MRPL37: variants seen among roughly 807,000 people sequenced by gnomAD.
The protein encoded by MRPL37 is mitochondrial ribosomal protein L37.
Under a neutral mutation model 44.1 loss-of-function variants are expected in MRPL37, and 34 were observed. The observed-to-expected ratio is 0.77, with a 90% CI of 0.59 to 1.03. The LOEUF (loss-of-function observed/expected upper bound fraction) is 1.03, where lower values mean the gene tolerates loss of function less well. MRPL37 is among the 50% of genes least tolerant of loss of function. The pLI is 0.00. For synonymous variants in MRPL37, 212 were observed against 219.5 expected, an observed-to-expected ratio of 0.97 and a Z score of 0.30; for missense variants, 532 against 543.7, an observed-to-expected ratio of 0.98 and a Z score of 0.21.
At chr1:54,225,206 T>C, downstream of MRPL37, 1 of 1,234,334 alleles carries the variant, frequency 8.1e-7, no homozygotes, top group Non-Finnish European at 1.0e-6. Flanking sequence ...CCCCCAAATA[T>C]TTAAAGTGAG....
chr1:54,200,580 C>A lies in MRPL37; in HGVS notation c.337C>A (p.Leu113Ile). 1 of 1,594,830 alleles carries A rather than the reference C, an allele frequency of 6.3e-7. No individual in the cohort carries two copies. The highest frequency in any genetic ancestry group is 2.2e-5 in the East Asian group (1 of 44,454). Reference sequence around the variant, plus strand: ...CTATATCTTTCACCACCGTTGCCGCCTTCTCGAGGGTGAGGCCCCAGGACG... The same window carrying A: ...CTATATCTTTCACCACCGTTGCCGCATTCTCGAGGGTGAGGCCCCAGGACG... Reference protein sequence around the residue: ...ACYIFHHRCRLLEGVKQALWL... With the variant: ...ACYIFHHRCRILEGVKQALWL... Residue 113 changes from leucine (L) to isoleucine (I), a missense_variant, in exon 1 of 7, where the codon CTT becomes ATT. Leu to Ile is a conservative substitution (Grantham distance 5). Transcript: ENST00000360840.
intron 4 of MRPL37, among the ~76,000 whole-genome samples, chr1:54,211,186 TC>T (rs1226592397): frequency 6.6e-6 from 1 of 152,150 alleles, no homozygotes; most frequent in East Asian, 1.9e-4. Context: ...TTTGGGATCT[TC>T]CAGTCTCATC....
At chr1:54,222,136 C>CA (rs1192479608), downstream of MRPL37, among the ~76,000 whole-genome samples, 1 of 152,222 alleles carries the variant, frequency 6.6e-6, no homozygotes, top group African/African-American at 2.4e-5. Context: ...TACTGGGCAC[C>CA]AGGACCTGTG....
downstream of MRPL37, among the ~76,000 whole-genome samples, chr1:54,222,766 T>C (rs189556763): frequency 4.5e-4 from 68 of 152,324 alleles, no homozygotes; most frequent in Non-Finnish European, 8.7e-4. Flanking sequence ...AGTTCAGACC[T>C]GCCTACTTGA....
chr1:54,221,612 G>A (rs115519368), downstream of MRPL37, among the ~76,000 whole-genome samples: 1,280 of 152,220 alleles, frequency 8.4e-3, 17 homozygotes, highest in African/African-American at 0.029. Context: ...ACGTGCACAG[G>A]CATACATGCG....
intron 3 of MRPL37, among the ~76,000 whole-genome samples, chr1:54,208,548 C>CAAAAAAAAAA (rs57185627): frequency 1.4e-5 from 1 of 70,950 alleles, no homozygotes. Context: ...GACTCCGTCT[C>CAAAAAAAAAA]AAAAAAAAAA....
rs1337363417 is a variant in MRPL37, at chr1:54,210,096, A to G, written c.797A>G (p.His266Arg). The G allele has an allele frequency of 1.9e-6, 3 of 1,614,174 alleles. No homozygotes were observed. Residue 266 changes from histidine to arginine, a missense_variant, in exon 4 of 7, where the codon CAT becomes CGT. By Grantham distance (29) the His-to-Arg change is conservative. Coordinates refer to ENST00000360840, the MANE Select transcript of MRPL37 (RefSeq NM_016491.4). ...CCCATATCACCCATCATCGATCTTC[A>G]TGAATGCAATATTTATGATGTGAAA... is the stretch of plus-strand genomic sequence containing the variant. ...FYPISPIIDL[H>R]ECNIYDVKND... is the part of the protein sequence containing the mutation.
chr1:54,200,398 T>C lies in MRPL37; in HGVS notation c.155T>C (p.Ile52Thr). 1 of 1,614,114 alleles carries C rather than the reference T, an allele frequency of 6.2e-7. No individual in the cohort carries two copies. The highest frequency in any genetic ancestry group is 2.2e-5 in the East Asian group (1 of 44,842). ...CCTCCCCTGGATAGGGTGTACGAGA[T>C]CCCTGGACTGGAGCCCATCACCTTT... is the stretch of plus-strand genomic sequence containing the variant. Reference protein sequence around the residue: ...EPPPLDRVYEIPGLEPITFAG... With the variant: ...EPPPLDRVYETPGLEPITFAG... Residue 52 changes from isoleucine to threonine, a missense_variant, in exon 1 of 7, where the codon ATC becomes ACC. Transcript: ENST00000360840.
rs750314224 is a variant in MRPL37, at chr1:54,200,237, G to C, written c.-7G>C. 3 of 1,562,968 alleles carry C rather than the reference G, an allele frequency of 1.9e-6. No individual in the cohort carries two copies. Among genetic ancestry groups the C allele is most frequent in the Admixed American group, 1.9e-5 (1 of 52,918 alleles). ...CCAGGTGGAGGTCTTGAGGCTATCA[G>C]ATCGGTATGGCATTGGCGTCCGGGC... On this transcript the variant is annotated 5_prime_UTR_variant, in exon 1 of 7. Transcript: ENST00000360840.
At position 54,212,989 on chromosome 1, in the gene MRPL37, A is replaced by G. The variant is rs1644175159; in HGVS notation, c.990+331A>G. Among the ~76,000 whole-genome samples, 3 of 152,222 alleles carry G rather than the reference A, an allele frequency of 2.0e-5. No homozygotes were observed. The South Asian group carries it at 6.2e-4, about 31-fold the overall frequency. ...AAGTGGTGGAGATAGGACTGCAGCT[A>G]GGTCTGCCCCACTCTGAAGTCTTCA... On this transcript the variant is annotated intron_variant, in intron 5 of 6. Coordinates refer to ENST00000360840, the MANE Select transcript of MRPL37 (RefSeq NM_016491.4).
intron 4 of MRPL37, among the ~76,000 whole-genome samples, chr1:54,212,142 C>G (rs956328327): frequency 6.6e-6 from 1 of 152,242 alleles, no homozygotes; most frequent in Non-Finnish European, 1.5e-5. Flanking sequence ...GGAGTTAGAA[C>G]TAGCTTGCAG....
chr1:54,213,327 C>A (rs553428666), intron 5 of MRPL37, among the ~76,000 whole-genome samples: 98 of 152,182 alleles, frequency 6.4e-4, no homozygotes, highest in Non-Finnish European at 1.0e-3. Context: ...ACACCAGATC[C>A]CTGGTTTGGG....
chr1:54,209,355 G>C (rs1167021484), intron 3 of MRPL37, among the ~76,000 whole-genome samples: 2 of 151,962 alleles, frequency 1.3e-5, no homozygotes, highest in African/African-American at 2.4e-5. Flanking sequence ...AAAGTTTTGT[G>C]TTCTGTGATT....
chr1:54,204,555 T>C (rs1426637395), intron 1 of MRPL37, among the ~76,000 whole-genome samples: 1 of 152,216 alleles, frequency 6.6e-6, no homozygotes, highest in Non-Finnish European at 1.5e-5. Context: ...AGCATGGGCT[T>C]ATGCCTAGAC....
rs34778360 is a variant in MRPL37, at chr1:54,211,400, G to A, written c.833-1101G>A. 3.0e-3 allele frequency among the ~76,000 whole-genome samples: 454 copies of A among 152,186 alleles called. 3 individuals are homozygous for A. The highest frequency in any genetic ancestry group is 0.011 in the African/African-American group (440 of 41,524). ...GAGTGAGTTCTAGATATTTACCTGT[G>A]CCGAATACCTGAGCAGGCTGAAGGA... On this transcript the variant is annotated intron_variant, in intron 4 of 6. Transcript: ENST00000360840.
In MRPL37 at chr1:54,212,547, A is replaced by T. The variant is rs200041624; in HGVS notation, c.879A>T (p.Leu293Phe). The change falls in exon 5 of 7, where the codon TTA becomes TTT. Residue 293 changes from leucine (L) to phenylalanine (F), a missense_variant. Physicochemically the swap from Leu to Phe is conservative, Grantham distance 22 (BLOSUM62 0). Transcript: ENST00000360840. ...YPYPYPHTLY[L>F]LDKANLRPHR... ...ACCCCTATCCCCATACCCTGTACTTACTGGACAAAGCCAATTTACGACCAC... is the reference window on the plus strand; with the variant it reads ...ACCCCTATCCCCATACCCTGTACTTTCTGGACAAAGCCAATTTACGACCAC... 10 of 1,614,068 alleles carry T rather than the reference A, an allele frequency of 6.2e-6. No homozygotes were observed. The highest frequency in any genetic ancestry group is 8.5e-6 in the Non-Finnish European group (10 of 1,180,020).
At chr1:54,205,475 C>T (rs995262570) in intron 3 of MRPL37, 65 bp downstream of exon 3, 1 of 1,287,606 alleles carries the variant, frequency 7.8e-7, no homozygotes, top group Non-Finnish European at 1.1e-6. Flanking sequence ...CTTAACCCCA[C>T]CACCAGCTCC....
At chr1:54,208,641 C>G (rs1331143707) in intron 3 of MRPL37, among the ~76,000 whole-genome samples, 1 of 151,388 alleles carries the variant, frequency 6.6e-6, no homozygotes, top group Non-Finnish European at 1.5e-5. Context: ...GTATCCTACT[C>G]TAGTCACCTG....
At chr1:54,221,409 AT>A (rs1204170292), downstream of MRPL37, among the ~76,000 whole-genome samples, 1 of 152,152 alleles carries the variant, frequency 6.6e-6, no homozygotes, top group Non-Finnish European at 1.5e-5. Context: ...GGACACTCAG[AT>A]GTCCATGACC....
Sources: allele counts gnomAD v4.1 joint callset (sites outside exome capture counted in the v4.1 genomes callset), GRCh38; gene constraint gnomAD v4.1.1; transcripts MANE v1.5; gene names NCBI Gene and HGNC (gene_info 2026-07-23, HGNC 2026-07-21).